The following PALM2AKAP2 variants were observed in gnomAD, a reference collection of about 807,000 sequenced individuals.
PALM2AKAP2 encodes PALM2-AKAP2 fusion protein.
PALM2AKAP2 carries 37 observed loss-of-function variants against 71.5 expected under a neutral mutation model. The ratio of observed to expected loss-of-function variants is 0.52; its 90% CI spans 0.40 to 0.68. The LOEUF is 0.68. Ranked by LOEUF, PALM2AKAP2 falls within the 30% of genes least tolerant of loss-of-function variation. PALM2AKAP2 has a pLI of 0.00. For synonymous variants in PALM2AKAP2, 468 were observed against 478.8 expected (o/e 0.98, Z 0.29); for missense variants, 1,224 against 1,191.8 (o/e 1.03, Z -0.40).
intron 1 of PALM2AKAP2, among the ~76,000 whole-genome samples, chr9:109,700,101 A>G (rs1828031160): frequency 6.6e-6 from 1 of 152,108 alleles, no homozygotes; most frequent in Non-Finnish European, 1.5e-5. Context: ...AAAATATTGT[A>G]CCAAATGGGA....
upstream of PALM2AKAP2, among the ~76,000 whole-genome samples, chr9:110,047,211 G>T (rs572733199): frequency 6.6e-6 from 1 of 152,294 alleles, no homozygotes; most frequent in East Asian, 1.9e-4. Context: ...AGGCAAAAAG[G>T]ATCGTGAAAC....
intron 1 of PALM2AKAP2, among the ~76,000 whole-genome samples, chr9:109,670,314 A>G (rs576038854): frequency 6.6e-6 from 1 of 151,824 alleles, no homozygotes; most frequent in Non-Finnish European, 1.5e-5. Flanking sequence ...GTTCCCCTCT[A>G]TGTGTCCATG....
chr9:110,044,895 G>C (rs116115104), upstream of PALM2AKAP2, among the ~76,000 whole-genome samples: 2,252 of 152,094 alleles, frequency 0.015, 61 homozygotes, highest in African/African-American at 0.051. Flanking sequence ...CTAAGTTTGG[G>C]GGCATGTGTC....
rs186406837 is a variant in PALM2AKAP2, at chr9:110,128,975, G to C, written c.157-7152G>C. ...CTGTGCAAATGTAAACAGGCTTCTA[G>C]AATCTCACTTGTGGTGTTGGTGAAG... On this transcript the variant is annotated intron_variant, in intron 1 of 3. Coordinates refer to ENST00000374525, the Ensembl canonical transcript of PALM2AKAP2. Among the ~76,000 whole-genome samples the C allele has an allele frequency of 5.9e-5, 9 of 152,364 alleles. No homozygotes were observed. The East Asian group carries it at 1.7e-3, about 29-fold the overall frequency.
chr9:110,074,864 G>A (rs145312556), intron 1 of PALM2AKAP2, among the ~76,000 whole-genome samples: 1 of 152,214 alleles, frequency 6.6e-6, no homozygotes, highest in Non-Finnish European at 1.5e-5. Flanking sequence ...CTAGCTGGGT[G>A]TGGTGGCGTG....
intron 3 of PALM2AKAP2, among the ~76,000 whole-genome samples, chr9:109,906,699 T>C (rs1048640176): frequency 4.6e-5 from 7 of 152,250 alleles, no homozygotes; most frequent in African/African-American, 1.7e-4. Context: ...TTGTTCTTTA[T>C]GGTTTCACTC....
intron 1 of PALM2AKAP2, among the ~76,000 whole-genome samples, chr9:110,055,359 C>A (rs1256503799): frequency 6.6e-6 from 1 of 152,020 alleles, no homozygotes; most frequent in African/African-American, 2.4e-5. Context: ...CTGTGCCCGG[C>A]TAATTTTTGT....
chr9:109,895,460 A>C (rs1367893890), intron 3 of PALM2AKAP2, among the ~76,000 whole-genome samples: 2 of 152,234 alleles, frequency 1.3e-5, no homozygotes, highest in Non-Finnish European at 2.9e-5. Flanking sequence ...GGGACATCCT[A>C]AGAATTTTTG....
intron 6 of PALM2AKAP2, among the ~76,000 whole-genome samples, 154 bp from the exon 7 acceptor site, chr9:110,015,800 T>G (rs758540200): frequency 1.6e-4 from 25 of 152,172 alleles, no homozygotes; most frequent in Non-Finnish European, 3.5e-4. Context: ...AAGGAAGTTT[T>G]CCTAGCCCAG....
At chr9:110,007,537 G>A (rs1237862131) in intron 6 of PALM2AKAP2, among the ~76,000 whole-genome samples, 2 of 152,170 alleles carry the variant, frequency 1.3e-5, no homozygotes, top group Non-Finnish European at 2.9e-5. Context: ...TCCTAAGCTG[G>A]AACTTTTGGG....
intron 6 of PALM2AKAP2, among the ~76,000 whole-genome samples, chr9:109,968,734 C>T (rs144492251): frequency 3.9e-5 from 6 of 152,170 alleles, no homozygotes; most frequent in Non-Finnish European, 7.4e-5. Flanking sequence ...GGAGTCCAGC[C>T]GCGATTTTCA....
chr9:109,916,925 T>C (rs1300744691), intron 3 of PALM2AKAP2, among the ~76,000 whole-genome samples: 1 of 152,214 alleles, frequency 6.6e-6, no homozygotes, highest in Non-Finnish European at 1.5e-5. Flanking sequence ...CCCAGAGATG[T>C]CCACAGGCTA....
At chr9:110,000,663 C>A (rs1459110075) in intron 6 of PALM2AKAP2, among the ~76,000 whole-genome samples, 1 of 152,246 alleles carries the variant, frequency 6.6e-6, no homozygotes, top group Non-Finnish European at 1.5e-5. Context: ...TCTACATCCT[C>A]TCCAGCACCT....
intron 1 of PALM2AKAP2, among the ~76,000 whole-genome samples, chr9:110,061,066 C>T (rs946025589): frequency 4.6e-5 from 7 of 152,144 alleles, no homozygotes; most frequent in Non-Finnish European, 7.4e-5. Context: ...TTCTAAAGTA[C>T]CTTGTCACGT....
chr9:109,837,322 A>G (rs1828509134), intron 1 of PALM2AKAP2, among the ~76,000 whole-genome samples: 1 of 152,236 alleles, frequency 6.6e-6, no homozygotes. Context: ...ACAGAGAAGC[A>G]AATGATGAGA....
At chr9:110,132,068 T>TGA in intron 1 of PALM2AKAP2, among the ~76,000 whole-genome samples, 1 of 136,696 alleles carries the variant, frequency 7.3e-6, no homozygotes, top group Non-Finnish European at 1.6e-5. Context: ...TGTGTGTGTG[T>TGA]GTGATGGAGT....
At chr9:110,128,392 G>A (rs1835664486) in intron 1 of PALM2AKAP2, among the ~76,000 whole-genome samples, 1 of 152,162 alleles carries the variant, frequency 6.6e-6, no homozygotes, top group Non-Finnish European at 1.5e-5. Context: ...GGATGAGAAG[G>A]GAAAACGGAG....
chr9:110,070,865 G>A (rs776146942), intron 1 of PALM2AKAP2, among the ~76,000 whole-genome samples: 10 of 151,870 alleles, frequency 6.6e-5, no homozygotes, highest in South Asian at 2.1e-4. Context: ...GGCAAGTTTC[G>A]AATTAGAAAT....
At chr9:109,925,463 C>T (rs997681326) in intron 5 of PALM2AKAP2, among the ~76,000 whole-genome samples, 1 of 152,072 alleles carries the variant, frequency 6.6e-6, no homozygotes, top group African/African-American at 2.4e-5. Context: ...TTGAAACATA[C>T]GTGAGAAGTT....
Sources: allele counts gnomAD v4.1 joint callset (sites outside exome capture counted in the v4.1 genomes callset), GRCh38; gene constraint gnomAD v4.1.1; transcripts MANE v1.5; gene names NCBI Gene and HGNC (gene_info 2026-07-23, HGNC 2026-07-21).